Variants in PPFIA2 observed in about 807,000 individuals in gnomAD.
PPFIA2 encodes liprin-alpha-2.
Under a neutral mutation model 175.5 loss-of-function variants are expected in PPFIA2, and 46 were observed. That is an observed-to-expected ratio of 0.26 (90% CI 0.21 to 0.34). The LOEUF (loss-of-function observed/expected upper bound fraction) is 0.34. PPFIA2 is among the 10% of genes least tolerant of loss of function. The pLI is 1.00. For missense variants in PPFIA2, 1,179 were observed against 1,506.1 expected (o/e 0.78, Z 3.60); for synonymous variants, 568 against 511.4 (o/e 1.11, Z -1.49).
chr12:81,604,901 T>G (rs1469231881), intron 4 of PPFIA2, among the ~76,000 whole-genome samples: 1 of 151,148 alleles, frequency 6.6e-6, no homozygotes, highest in Non-Finnish European at 1.5e-5. Flanking sequence ...TAAAACGGAG[T>G]AAATTAAAAA....
At chr12:81,475,165 C>T (rs1431221492) in intron 4 of PPFIA2, among the ~76,000 whole-genome samples, 1 of 152,110 alleles carries the variant, frequency 6.6e-6, no homozygotes, top group African/African-American at 2.4e-5. Flanking sequence ...AGATGATAAA[C>T]TCTGTGAGAA....
chr12:81,562,179 G>A (rs921530703), intron 4 of PPFIA2, among the ~76,000 whole-genome samples: 6 of 152,050 alleles, frequency 3.9e-5, no homozygotes, highest in African/African-American at 1.4e-4. Flanking sequence ...AAAAAGAAAT[G>A]TAACTTAGAG....
chr12:81,334,432 A>G (rs1406201649), intron 21 of PPFIA2, among the ~76,000 whole-genome samples: 1 of 151,776 alleles, frequency 6.6e-6, no homozygotes, highest in Non-Finnish European at 1.5e-5. Context: ...ATGTCTATTC[A>G]CTGAAAGTAG....
intron 4 of PPFIA2, among the ~76,000 whole-genome samples, chr12:81,504,119 C>T (rs1020770025): frequency 6.6e-6 from 1 of 151,524 alleles, no homozygotes; most frequent in South Asian, 2.1e-4. Context: ...TAGGTATTTC[C>T]CATATATTTA....
At chr12:81,586,174 C>T (rs892361096) in intron 4 of PPFIA2, among the ~76,000 whole-genome samples, 2 of 151,898 alleles carry the variant, frequency 1.3e-5, no homozygotes, top group African/African-American at 4.8e-5. Context: ...CCAATAAATA[C>T]AATGTTTTCT....
chr12:81,492,994 T>C (rs181670427), intron 4 of PPFIA2, among the ~76,000 whole-genome samples: 166 of 152,120 alleles, frequency 1.1e-3, no homozygotes, highest in African/African-American at 3.4e-3. Flanking sequence ...AACAATTATA[T>C]GTGGGTGAGA....
At chr12:81,663,939 A>C (rs1328985093) in intron 4 of PPFIA2, among the ~76,000 whole-genome samples, 1 of 152,210 alleles carries the variant, frequency 6.6e-6, no homozygotes, top group African/African-American at 2.4e-5. Flanking sequence ...GAAATGGGGA[A>C]AGGATTCCCT....
intron 4 of PPFIA2, among the ~76,000 whole-genome samples, chr12:81,476,005 C>T (rs548992567): frequency 6.6e-6 from 1 of 152,306 alleles, no homozygotes; most frequent in African/African-American, 2.4e-5. Flanking sequence ...TCCACCTTAG[C>T]TCAAGCTTAT....
At chr12:81,721,951 A>G (rs1380028039) in intron 3 of PPFIA2, among the ~76,000 whole-genome samples, 1 of 150,622 alleles carries the variant, frequency 6.6e-6, no homozygotes, top group African/African-American at 2.4e-5. Flanking sequence ...AGATATTACT[A>G]TTATTATTAT....
intron 7 of PPFIA2, among the ~76,000 whole-genome samples, chr12:81,407,095 G>A (rs954309004): frequency 6.6e-6 from 1 of 152,100 alleles, no homozygotes; most frequent in Non-Finnish European, 1.5e-5. Context: ...GCTCCCTCAC[G>A]CTTACTCTTG....
Position 81,275,858 on chromosome 12 carries a change from C to A in PPFIA2, c.3310+1459G>T, listed in dbSNP as rs796978921. ...GCAGTGCAGTGGGGCAATCTCGGCT[C>A]ACTGCAAGCTCTGCCTCCAGGGTTC... On this transcript the variant is annotated intron_variant, in intron 28 of 32. Transcript: ENST00000549396. 4.0e-5 allele frequency among the ~76,000 whole-genome samples: 6 copies of A among 151,126 alleles called. No homozygotes were observed. The East Asian group carries it at 7.8e-4, about 20-fold the overall frequency.
chr12:81,271,281 AT>A (rs1393726920), intron 28 of PPFIA2, among the ~76,000 whole-genome samples: 1 of 149,818 alleles, frequency 6.7e-6, no homozygotes, highest in Non-Finnish European at 1.5e-5. Context: ...TTTTTCTTTT[AT>A]TTTTTGAGAC....
intron 3 of PPFIA2, among the ~76,000 whole-genome samples, chr12:81,731,086 CT>C (rs2080839066): frequency 6.6e-6 from 1 of 151,704 alleles, no homozygotes; most frequent in South Asian, 2.1e-4. Flanking sequence ...ATCACTTCCA[CT>C]GCTACGCACT....
At chr12:81,643,071 A>T (rs1440473689) in intron 4 of PPFIA2, among the ~76,000 whole-genome samples, 1 of 148,498 alleles carries the variant, frequency 6.7e-6, no homozygotes, top group Non-Finnish European at 1.5e-5. Context: ...TATATTTTAC[A>T]TATATGTTAT....
In PPFIA2 at chr12:81,604,010, T is replaced by A. The variant is rs2060047891; in HGVS notation, c.303+72781A>T. 2.6e-5 allele frequency among the ~76,000 whole-genome samples: 4 copies of A among 151,700 alleles called. No individual in the cohort carries two copies. The South Asian group carries it at 8.3e-4, about 31-fold the overall frequency. On this transcript the variant is annotated intron_variant, in intron 4 of 32. Transcript: ENST00000549396. ...GGGGACAGGATTATCAGATACAATATCAGTGCTTTAGGAACTTTAAATTTT... is the reference window on the plus strand; with the variant it reads ...GGGGACAGGATTATCAGATACAATAACAGTGCTTTAGGAACTTTAAATTTT...
At chr12:81,654,055 A>C (rs2067412013) in intron 4 of PPFIA2, among the ~76,000 whole-genome samples, 1 of 152,070 alleles carries the variant, frequency 6.6e-6, no homozygotes, top group Admixed American at 6.6e-5. Context: ...ATACTCAAAA[A>C]AAGCCAGTAA....
intron 4 of PPFIA2, among the ~76,000 whole-genome samples, chr12:81,560,617 T>C (rs934159257): frequency 6.6e-6 from 1 of 152,178 alleles, no homozygotes; most frequent in Non-Finnish European, 1.5e-5. Flanking sequence ...GATCTTAAAA[T>C]TTTGGTCTAA....
intron 4 of PPFIA2, among the ~76,000 whole-genome samples, chr12:81,466,024 C>A (rs576510362): frequency 1.3e-5 from 2 of 152,106 alleles, no homozygotes; most frequent in Non-Finnish European, 2.9e-5. Flanking sequence ...ATGCTGTCAT[C>A]CAAAATTACT....
At chr12:81,549,259 T>A (rs1441702426) in intron 4 of PPFIA2, among the ~76,000 whole-genome samples, 6 of 152,098 alleles carry the variant, frequency 3.9e-5, no homozygotes, top group Admixed American at 3.9e-4. Context: ...GTAAGAGTTA[T>A]ATGTTTTACT....
Sources: allele counts gnomAD v4.1 joint callset (sites outside exome capture counted in the v4.1 genomes callset), GRCh38; gene constraint gnomAD v4.1.1; transcripts MANE v1.5; gene names NCBI Gene and HGNC (gene_info 2026-07-23, HGNC 2026-07-21).